Variants in SUMO2 observed in about 807,000 individuals in gnomAD.
SUMO2 encodes the protein small ubiquitin like modifier 2, also known as small ubiquitin-related modifier 2.
In SUMO2, 1 loss-of-function variant was observed where a neutral mutation model predicts 16.0. The observed-to-expected ratio is 0.06, with a 90% CI of 0.02 to 0.30. The LOEUF is 0.30. Among genes scored for constraint, SUMO2 ranks in the 10% least tolerant of loss-of-function variants. The pLI, the probability that SUMO2 is intolerant of heterozygous loss-of-function variation, is 1.00. For missense variants in SUMO2, 16 were observed against 117.5 expected (o/e 0.14, Z 3.99); for synonymous variants, 36 against 40.6 (o/e 0.89, Z 0.43).
chr17:75,182,625 T>G (rs2074838361), intron 1 of SUMO2, 189 bp downstream of exon 1: 2 of 373,802 alleles, frequency 5.4e-6, no homozygotes, highest in Non-Finnish European at 8.7e-6. Flanking sequence ...CGGCGGGGCC[T>G]CCTTCGGCGC....
In SUMO2 at chr17:75,165,655, A is replaced by G. The variant is rs899641493; in HGVS notation, c.*2684T>C. 1.2e-4 allele frequency: 16 copies of G among 138,314 alleles called. No individual in the cohort carries two copies. The highest frequency in any genetic ancestry group is 4.1e-4 in the African/African-American group (15 of 36,604). The allele number at this position is 138,314 out of a possible 1,614,324, so 8.6% of individuals were successfully genotyped here. A position where few individuals can be genotyped will look rare whatever the true frequency, so the allele number is the denominator to read the frequency against. On this transcript the variant is annotated 3_prime_UTR_variant, in exon 4 of 4. Transcript: ENST00000420826. Reference sequence around the variant, plus strand: ...ACAAAAACAATCAACAAGCATTAGGATACTATCTCTAGTCCCAGTTTTATA... The same window carrying G: ...ACAAAAACAATCAACAAGCATTAGGGTACTATCTCTAGTCCCAGTTTTATA...
intron 2 of SUMO2, among the ~76,000 whole-genome samples, chr17:75,177,678 T>C (rs2074793048): frequency 6.8e-6 from 1 of 147,428 alleles, no homozygotes; most frequent in African/African-American, 2.5e-5. Flanking sequence ...GAAAACTCCA[T>C]CTTAAAAAAA....
At chr17:75,170,544 T>C (rs1223399728) in intron 3 of SUMO2, among the ~76,000 whole-genome samples, 1 of 151,838 alleles carries the variant, frequency 6.6e-6, no homozygotes, top group African/African-American at 2.4e-5. Context: ...CACTCCAGCC[T>C]GGCAACAGAG....
At chr17:75,172,142 C>G (rs867110475) in intron 3 of SUMO2, among the ~76,000 whole-genome samples, 2 of 151,734 alleles carry the variant, frequency 1.3e-5, no homozygotes, top group Non-Finnish European at 1.5e-5. Context: ...CTCAATCTCC[C>G]GAGTAGCTGG....
At chr17:75,177,638 C>A (rs138443556) in intron 2 of SUMO2, among the ~76,000 whole-genome samples, 2 of 150,374 alleles carry the variant, frequency 1.3e-5, no homozygotes, top group African/African-American at 2.5e-5. Flanking sequence ...GCCTAGATTG[C>A]GCCATTGCAT....
chr17:75,174,946 T>C, intron 2 of SUMO2, 123 bp from the exon 3 acceptor site: 2 of 825,828 alleles, frequency 2.4e-6, no homozygotes, highest in Non-Finnish European at 3.8e-6. Context: ...ATTGCCAACA[T>C]GTTAACATAC....
chr17:75,177,836 T>TACAA (rs71159445), intron 2 of SUMO2, among the ~76,000 whole-genome samples: 148,650 of 151,502 alleles, frequency 0.98, 72,997 homozygotes, highest in East Asian at 1. Flanking sequence ...CTACGAAAAA[T>TACAA]AAATTAGCCG....
In SUMO2 at chr17:75,177,850, A is replaced by G. The variant is rs891203457; in HGVS notation, c.154-3027T>C. On this transcript the variant is annotated intron_variant, in intron 2 of 3. Transcript: ENST00000420826. Reference sequence around the variant, plus strand: ...TCTACGAAAAATAAATTAGCCGAGCACGGTGGTAGGTGCCTATAATCCCAC... The same window carrying G: ...TCTACGAAAAATAAATTAGCCGAGCGCGGTGGTAGGTGCCTATAATCCCAC... Among the ~76,000 whole-genome samples the G allele has an allele frequency of 1.2e-4, 18 of 150,874 alleles. 1 individual carries two copies. The highest frequency in any genetic ancestry group is 1.2e-3 in the Admixed American group (18 of 15,106).
intron 2 of SUMO2, among the ~76,000 whole-genome samples, chr17:75,175,899 C>G (rs191681488): frequency 1.4e-3 from 210 of 152,246 alleles, no homozygotes; most frequent in African/African-American, 4.8e-3. Flanking sequence ...TCACAAAACG[C>G]TGGGATTACA....
intron 3 of SUMO2, among the ~76,000 whole-genome samples, chr17:75,171,070 A>T (rs74254449): frequency 2.5e-4 from 33 of 131,662 alleles, no homozygotes; most frequent in Non-Finnish European, 3.4e-4. Flanking sequence ...AGGGGCAGTT[A>T]AAAAAAAAAA....
rs989252879 is a variant in SUMO2 at position 75,175,928 on chromosome 17, C to T, written c.154-1105G>A. Among the ~76,000 whole-genome samples, 15 of 152,264 alleles carry T rather than the reference C, an allele frequency of 9.9e-5. No individual in the cohort carries two copies. The Middle Eastern group carries it at 0.01, about 104-fold the overall frequency. Reference sequence around the variant, plus strand: ...GATTACAGGTGTGAGCCACTGCGCCCAGCCAGTAAGTCATTCTTTTAGAAA... The same window carrying T: ...GATTACAGGTGTGAGCCACTGCGCCTAGCCAGTAAGTCATTCTTTTAGAAA... On this transcript the variant is annotated intron_variant, in intron 2 of 3. Transcript: ENST00000420826.
At chr17:75,175,648 G>C (rs2074776547) in intron 2 of SUMO2, among the ~76,000 whole-genome samples, 1 of 149,206 alleles carries the variant, frequency 6.7e-6, no homozygotes, top group Non-Finnish European at 1.5e-5. Flanking sequence ...TTGTTTGTTT[G>C]TTAAGACAGA....
At position 75,173,478 on chromosome 17, in the gene SUMO2, T is replaced by G. The variant is rs74976467; in HGVS notation, c.225+1274A>C. On this transcript the variant is annotated intron_variant, in intron 3 of 3. Coordinates refer to ENST00000420826, the MANE Select transcript of SUMO2 (RefSeq NM_006937.4). ...CAAGTCAGGACAAGACTGGAAGTCA[T>G]TTTTTTTTTTTTTTGAGAGAGGGCC... Among the ~76,000 whole-genome samples the G allele has an allele frequency of 1.9e-3, 275 of 148,210 alleles. 1 individual carries two copies. Among genetic ancestry groups the G allele is most frequent in the Middle Eastern group, 3.4e-3 (1 of 290 alleles).
chr17:75,171,878 A>G (rs1205048177), intron 3 of SUMO2, among the ~76,000 whole-genome samples: 2 of 152,144 alleles, frequency 1.3e-5, no homozygotes, highest in African/African-American at 4.8e-5. Context: ...TCATCTATCT[A>G]CTAAAACAAA....
intron 2 of SUMO2, among the ~76,000 whole-genome samples, chr17:75,176,589 C>T (rs763309417): frequency 2.8e-4 from 42 of 151,668 alleles, no homozygotes; most frequent in Admixed American, 7.3e-4. Flanking sequence ...GCACTCCAGC[C>T]TGGGTGACAG....
chr17:75,170,722 T>C (rs890285077), intron 3 of SUMO2, among the ~76,000 whole-genome samples: 2 of 147,712 alleles, frequency 1.4e-5, no homozygotes, highest in Non-Finnish European at 3.0e-5. Context: ...TGGTGGCAGG[T>C]GCCTGTAATC....
chr17:75,174,232 A>T (rs1194663926), intron 3 of SUMO2, among the ~76,000 whole-genome samples: 1 of 152,014 alleles, frequency 6.6e-6, no homozygotes, highest in African/African-American at 2.4e-5. Context: ...CCTACCAAAA[A>T]TACAAAAATT....
chr17:75,170,851 C>CAAA (rs961499902), intron 3 of SUMO2, among the ~76,000 whole-genome samples: 2 of 58,892 alleles, frequency 3.4e-5, no homozygotes, highest in Non-Finnish European at 7.1e-5. Context: ...CTCCAGGTCT[C>CAAA]AAAAAAAAAA....
At chr17:75,175,977 C>A (rs986439355) in intron 2 of SUMO2, among the ~76,000 whole-genome samples, 1 of 152,010 alleles carries the variant, frequency 6.6e-6, no homozygotes, top group African/African-American at 2.4e-5. Context: ...TCAGACACAG[C>A]TACTATAATG....
Sources: gnomAD v4.1 joint callset for allele counts (sites outside exome capture counted in the v4.1 genomes callset) on GRCh38, gnomAD v4.1.1 for gene constraint, MANE v1.5 for transcripts, NCBI Gene and HGNC (gene_info 2026-07-23, HGNC 2026-07-21) for gene names.